The following APPBP2 variants were observed in gnomAD, a reference collection of about 807,000 sequenced individuals.
The protein encoded by APPBP2 is amyloid beta precursor protein binding protein 2.
A neutral mutation model predicts 76.0 loss-of-function variants in APPBP2; 15 were observed. The ratio of observed to expected loss-of-function variants is 0.20; its 90% CI spans 0.13 to 0.30. APPBP2 has a LOEUF of 0.30. Among genes scored for constraint, APPBP2 ranks in the 10% least tolerant of loss-of-function variants. APPBP2 has a pLI of 1.00. For synonymous variants in APPBP2, 222 were observed against 242.2 expected (o/e 0.92, Z 0.77); for missense variants, 401 against 687.2 (o/e 0.58, Z 4.66).
At chr17:60,472,402 A>T (rs1175611540) in intron 4 of APPBP2, among the ~76,000 whole-genome samples, 1 of 152,178 alleles carries the variant, frequency 6.6e-6, no homozygotes, top group African/African-American at 2.4e-5. Context: ...GTCCATTTCT[A>T]AAAAATTTGT....
rs1037140732 is a variant in APPBP2, at chr17:60,445,334, G to C, written c.*2247C>G. 1 of 152,540 alleles carries C rather than the reference G, an allele frequency of 6.6e-6. No homozygotes were observed. The highest frequency in any genetic ancestry group is 6.6e-5 in the Admixed American group (1 of 15,260). The allele number at this position is 152,540 out of a possible 1,614,324, so 9.4% of individuals were successfully genotyped here. ...ACATACCATGTTGTTTTATCACTGA[G>C]TGTGAGCTAAGTTGAGTTCAAATGG... On this transcript the variant is annotated 3_prime_UTR_variant, in exon 13 of 13. Coordinates refer to ENST00000083182, the MANE Select transcript of APPBP2 (RefSeq NM_006380.5).
intron 1 of APPBP2, among the ~76,000 whole-genome samples, chr17:60,522,973 C>T (rs1253566572): frequency 1.3e-5 from 2 of 151,994 alleles, no homozygotes; most frequent in Non-Finnish European, 2.9e-5. Context: ...TCCATTCATT[C>T]CATAACCCCA....
In APPBP2 at chr17:60,518,350, TGTGC is replaced by T. The variant is rs1199858016; in HGVS notation, c.138+7440_138+7443del. Among the ~76,000 whole-genome samples the T allele has an allele frequency of 2.1e-3, 242 of 114,820 alleles. 5 individuals carry two copies. Among genetic ancestry groups the T allele is most frequent in the Admixed American group, 3.4e-3 (40 of 11,870 alleles). The allele number at this position is 114,820 out of a possible 152,430, so 75.3% of individuals were successfully genotyped here. A position where few individuals can be genotyped will look rare whatever the true frequency, so the allele number is the denominator to read the frequency against. On this transcript the variant is annotated intron_variant, in intron 1 of 12. Coordinates refer to ENST00000083182, the MANE Select transcript of APPBP2 (RefSeq NM_006380.5). ...GCATGAGCTACCATGCCCAGCCGTG[TGTGC>T]GTGCGTGTGTGTGTGTGTGTGTGTG...
At chr17:60,457,437 G>GT (rs902013195) in intron 9 of APPBP2, among the ~76,000 whole-genome samples, 14 of 146,404 alleles carry the variant, frequency 9.6e-5, no homozygotes, top group African/African-American at 2.7e-4. Context: ...TTGTTTGTTT[G>GT]TTTTTTTTAC....
intron 1 of APPBP2, among the ~76,000 whole-genome samples, chr17:60,503,026 T>C (rs1018047262): frequency 3.5e-5 from 5 of 143,580 alleles, no homozygotes; most frequent in Non-Finnish European, 7.4e-5. Context: ...TTTTTTTTTT[T>C]TTTGGGACAG....
At chr17:60,520,510 T>C (rs993445837) in intron 1 of APPBP2, among the ~76,000 whole-genome samples, 2 of 150,594 alleles carry the variant, frequency 1.3e-5, no homozygotes, top group African/African-American at 4.9e-5. Flanking sequence ...GAGGCAGAGG[T>C]TGCAGTGAGC....
intron 1 of APPBP2, among the ~76,000 whole-genome samples, chr17:60,506,588 T>G (rs1465003333): frequency 3.3e-5 from 5 of 152,216 alleles, no homozygotes; most frequent in Non-Finnish European, 7.3e-5. Context: ...CACAGTAGCA[T>G]TAAGACATGC....
intron 8 of APPBP2, 133 bp downstream of exon 8, chr17:60,461,677 A>C: frequency 1.6e-6 from 1 of 617,310 alleles, no homozygotes; most frequent in South Asian, 2.3e-5. Context: ...TTAATAAAAT[A>C]ATGATGCAAC....
At chr17:60,490,281 TATATA>T (rs1243699984) in intron 3 of APPBP2, among the ~76,000 whole-genome samples, 1 of 152,192 alleles carries the variant, frequency 6.6e-6, no homozygotes, top group East Asian at 1.9e-4. Context: ...GCCCTACAGT[TATATA>T]ATATGTGACC....
At chr17:60,470,418 CCTGG>C (rs2090543660) in intron 4 of APPBP2, among the ~76,000 whole-genome samples, 1 of 152,036 alleles carries the variant, frequency 6.6e-6, no homozygotes, top group South Asian at 2.1e-4. Context: ...TGCCACCACA[CCTGG>C]CTGATTTTTA....
intron 1 of APPBP2, among the ~76,000 whole-genome samples, chr17:60,522,264 G>A (rs1292251036): frequency 1.3e-5 from 2 of 151,986 alleles, no homozygotes; most frequent in South Asian, 2.1e-4. Context: ...TCACTTACCC[G>A]CAGCAAATGA....
chr17:60,462,948 C>CAAAAAAAAAAAAAAAA, intron 6 of APPBP2, among the ~76,000 whole-genome samples: 1 of 65,492 alleles, frequency 1.5e-5, no homozygotes, highest in Non-Finnish European at 3.5e-5. Context: ...GACTCCATCT[C>CAAAAAAAAAAAAAAAA]AAAAAAAAAA....
At chr17:60,472,922 A>T (rs916072553) in intron 4 of APPBP2, among the ~76,000 whole-genome samples, 1 of 152,124 alleles carries the variant, frequency 6.6e-6, no homozygotes, top group African/African-American at 2.4e-5. Flanking sequence ...TTCTATTATC[A>T]ATATCCCTTT....
intron 3 of APPBP2, among the ~76,000 whole-genome samples, chr17:60,487,911 C>T (rs954042322): frequency 2.0e-5 from 3 of 152,194 alleles, no homozygotes; most frequent in South Asian, 2.1e-4. Flanking sequence ...TATGTCGATG[C>T]TATTCCTTTC....
chr17:60,469,303 C>A (rs1250122426), intron 4 of APPBP2, among the ~76,000 whole-genome samples: 1 of 130,224 alleles, frequency 7.7e-6, no homozygotes, highest in Admixed American at 8.8e-5. Flanking sequence ...TCCAGACTGG[C>A]GACAGAGCAA....
At chr17:60,498,128 C>CAA (rs796092297) in intron 2 of APPBP2, among the ~76,000 whole-genome samples, 3 of 129,988 alleles carry the variant, frequency 2.3e-5, no homozygotes, top group African/African-American at 8.5e-5. Context: ...ACCCTGGCTC[C>CAA]AAAAAAAAAA....
chr17:60,524,325 AC>A (rs1051227462), intron 1 of APPBP2, among the ~76,000 whole-genome samples: 1 of 152,238 alleles, frequency 6.6e-6, no homozygotes, highest in African/African-American at 2.4e-5. Context: ...CAGAGAGCAC[AC>A]ACAAAGCTGC....
chr17:60,513,665 C>G (rs2090938169), intron 1 of APPBP2: 1 of 194,082 alleles, frequency 5.2e-6, no homozygotes, highest in African/African-American at 2.4e-5. Flanking sequence ...AGTTCGAGAC[C>G]AGCCTGGCTA....
Position 60,503,413 on chromosome 17 carries a change from G to A in APPBP2, c.139-2926C>T, listed in dbSNP as rs1233733847. On this transcript the variant is annotated intron_variant, in intron 1 of 12. Transcript: ENST00000083182. ...GTAATTTTTTTTTTTTTGAGACAGA[G>A]TTTTGCTCTTGTTGCCCAGGCTGGA... Among the ~76,000 whole-genome samples, 2 of 144,088 alleles carry A rather than the reference G, an allele frequency of 1.4e-5. 1 individual carries two copies. Among genetic ancestry groups the A allele is most frequent in the African/African-American group, 5.8e-5 (2 of 34,702 alleles). 94.5% of individuals were successfully genotyped at this position (144,088 alleles called of 152,430 possible). A position where few individuals can be genotyped will look rare whatever the true frequency, so the allele number is the denominator to read the frequency against.
Sources: allele counts gnomAD v4.1 joint callset (sites outside exome capture counted in the v4.1 genomes callset), GRCh38; gene constraint gnomAD v4.1.1; transcripts MANE v1.5; gene names NCBI Gene and HGNC (gene_info 2026-07-23, HGNC 2026-07-21).